The following EPHA7 variants were observed in gnomAD, a reference collection of about 807,000 sequenced individuals.
EPHA7 encodes the protein EPH receptor A7, also known as ephrin type-A receptor 7.
In EPHA7, 25 loss-of-function variants were observed where a neutral mutation model predicts 112.6. The observed-to-expected ratio is 0.22, with a 90% CI of 0.16 to 0.31. EPHA7 has a LOEUF of 0.31. EPHA7 is among the 10% of genes least tolerant of loss of function. The pLI, the probability that EPHA7 is intolerant of heterozygous loss-of-function variation, is 1.00. For synonymous variants in EPHA7, 437 were observed against 406.5 expected (o/e 1.07, Z -0.90); for missense variants, 962 against 1,212.6 (o/e 0.79, Z 3.07).
intron 3 of EPHA7, among the ~76,000 whole-genome samples, chr6:93,402,006 T>C (rs951529053): frequency 3.2e-4 from 48 of 151,996 alleles, no homozygotes; most frequent in Non-Finnish European, 2.5e-4. Context: ...TGATTTGTAT[T>C]ATAACTGCCT....
chr6:93,333,868 GCT>G (rs763240751), intron 5 of EPHA7, among the ~76,000 whole-genome samples: 7 of 151,904 alleles, frequency 4.6e-5, no homozygotes, highest in Admixed American at 6.6e-5. Flanking sequence ...ATGGCCATTT[GCT>G]CAAAGCAACT....
intron 5 of EPHA7, among the ~76,000 whole-genome samples, chr6:93,347,809 G>T (rs1392174965): frequency 6.6e-6 from 1 of 151,662 alleles, no homozygotes; most frequent in Non-Finnish European, 1.5e-5. Flanking sequence ...TGGGGGTTAG[G>T]GCTTCAGCAT....
chr6:93,391,572 G>T (rs1008502445), intron 3 of EPHA7, among the ~76,000 whole-genome samples: 2 of 151,816 alleles, frequency 1.3e-5, no homozygotes, highest in African/African-American at 2.4e-5. Flanking sequence ...CAGTCACAAA[G>T]AAAAGTTACA....
intron 16 of EPHA7, 62 bp downstream of exon 16, chr6:93,245,236 T>G: frequency 7.1e-7 from 1 of 1,406,752 alleles, no homozygotes; most frequent in Non-Finnish European, 9.7e-7. Flanking sequence ...GATAACCTAA[T>G]GTATAAAGTG....
intron 9 of EPHA7, among the ~76,000 whole-genome samples, chr6:93,262,993 C>T (rs1156750336): frequency 5.3e-5 from 8 of 150,952 alleles, no homozygotes; most frequent in Non-Finnish European, 7.4e-5. Context: ...ATTCTTACAT[C>T]TTATGTCATG....
intron 5 of EPHA7, among the ~76,000 whole-genome samples, chr6:93,336,727 G>A (rs962649509): frequency 3.9e-5 from 6 of 151,964 alleles, no homozygotes; most frequent in Non-Finnish European, 5.9e-5. Flanking sequence ...GAACAGAAGT[G>A]AATAGTTCAT....
intron 14 of EPHA7, among the ~76,000 whole-genome samples, chr6:93,252,012 G>T (rs1156491355): frequency 6.6e-6 from 1 of 152,014 alleles, no homozygotes; most frequent in African/African-American, 2.4e-5. Flanking sequence ...TAACCTATTT[G>T]AGTATGAGTC....
rs370195460 is a variant in EPHA7 at position 93,410,608 on chromosome 6, G to C, written c.725C>G (p.Ala242Gly). 6.2e-7 allele frequency: 1 copy of C among 1,613,934 alleles called. No individual in the cohort carries two copies. The highest frequency in any genetic ancestry group is 8.5e-7 in the Non-Finnish European group (1 of 1,179,946). Residue 242 changes from alanine (A) to glycine (G), a missense_variant, in exon 3 of 17, where the codon GCG becomes GGG. Ala to Gly is a moderately conservative substitution (Grantham distance 60, BLOSUM62 0). This residue lies in a region of EPHA7 where 160 missense variants were observed against 263.6 expected (regional missense o/e 0.61). Transcript: ENST00000369303. The surrounding 1 kb of genome is among the most constrained non-coding windows in gnomAD (Gnocchi z 4.0). The stretch of plus-strand genomic sequence containing the variant: ...GCAGTGCATCCTGGGGGCGTTTTCC[G>C]CTTCTTCCTCTGCACTGCTGACACA... ...GTCVSSAEEE[A>G]ENAPRMHCSA... is the part of the protein sequence containing the mutation.
chr6:93,283,496 A>T (rs1366842246), intron 5 of EPHA7, among the ~76,000 whole-genome samples: 1 of 152,062 alleles, frequency 6.6e-6, no homozygotes, highest in African/African-American at 2.4e-5. Flanking sequence ...CATTGCCTTT[A>T]TGAGCTGTAA....
At chr6:93,269,745 G>T in intron 6 of EPHA7, 85 bp from the exon 7 acceptor site, 3 of 1,150,998 alleles carry the variant, frequency 2.6e-6, no homozygotes, top group Non-Finnish European at 3.6e-6. Flanking sequence ...AATTCAATTT[G>T]CTCCATTGTT....
intron 5 of EPHA7, among the ~76,000 whole-genome samples, chr6:93,313,259 G>T (rs1012283747): frequency 6.6e-6 from 1 of 151,978 alleles, no homozygotes; most frequent in African/African-American, 2.4e-5. Context: ...ATATCCTTCA[G>T]ATATTAATAT....
intron 13 of EPHA7, among the ~76,000 whole-genome samples, chr6:93,255,549 A>T (rs577598890): frequency 6.6e-6 from 1 of 152,282 alleles, no homozygotes; most frequent in Admixed American, 6.5e-5. Context: ...TACAAATATG[A>T]GTGCTAGTAG....
intron 3 of EPHA7, among the ~76,000 whole-genome samples, chr6:93,374,281 A>G (rs1338514779): frequency 1.3e-5 from 2 of 151,968 alleles, no homozygotes; most frequent in Non-Finnish European, 1.5e-5. Context: ...CTGTCTTCCC[A>G]CTCCTCTATT....
intron 2 of EPHA7, among the ~76,000 whole-genome samples, chr6:93,411,998 GA>G (rs1402549805): frequency 4.0e-5 from 6 of 151,668 alleles, no homozygotes; most frequent in South Asian, 2.1e-4. Flanking sequence ...CTCAAAAAAG[GA>G]AAAAAAGTGC....
intron 5 of EPHA7, among the ~76,000 whole-genome samples, chr6:93,280,472 A>G (rs1017695977): frequency 2.0e-5 from 3 of 152,192 alleles, no homozygotes; most frequent in African/African-American, 7.2e-5. Context: ...TGCTTCAACT[A>G]ATACAGATTT....
chr6:93,243,607 T>C, intron 16 of EPHA7, 67 bp from the exon 17 acceptor site: 1 of 1,064,584 alleles, frequency 9.4e-7, no homozygotes, highest in South Asian at 1.3e-5. Flanking sequence ...TAAACTGTCA[T>C]CAACTGTTTA....
intron 5 of EPHA7, among the ~76,000 whole-genome samples, chr6:93,293,784 T>C (rs1389843530): frequency 3.3e-5 from 5 of 152,222 alleles, no homozygotes; most frequent in Non-Finnish European, 2.9e-5. Context: ...GTTTATGTTC[T>C]CTGGAAAAAT....
intron 5 of EPHA7, among the ~76,000 whole-genome samples, chr6:93,339,120 C>A (rs2127916950): frequency 6.6e-6 from 1 of 151,346 alleles, no homozygotes; most frequent in African/African-American, 2.4e-5. Flanking sequence ...AATACAAAAA[C>A]TGGCAATAAA....
intron 3 of EPHA7, among the ~76,000 whole-genome samples, chr6:93,384,651 C>G (rs765877412): frequency 6.6e-6 from 1 of 152,116 alleles, no homozygotes. Context: ...CTCACAGGAT[C>G]GCACATTTGT....
Sources: allele counts gnomAD v4.1 joint callset (sites outside exome capture counted in the v4.1 genomes callset), GRCh38; gene constraint gnomAD v4.1.1; regional missense constraint gnomAD v4.1.1; non-coding constraint Gnocchi (gnomAD v3.1); transcripts MANE v1.5; gene names NCBI Gene and HGNC (gene_info 2026-07-23, HGNC 2026-07-21).